Variants in C12orf42 observed in about 807,000 individuals in gnomAD.
C12orf42 encodes the protein chromosome 12 open reading frame 42.
Under a neutral mutation model 21.6 loss-of-function variants are expected in C12orf42, and 25 were observed. The ratio of observed to expected loss-of-function variants is 1.16; its 90% CI spans 0.84 to 1.62. C12orf42 has a LOEUF of 1.62. Ranked by LOEUF, C12orf42 falls within the 40% of genes most tolerant of loss-of-function variation. The pLI, the probability that C12orf42 is intolerant of heterozygous loss-of-function variation, is 0.00. For synonymous variants in C12orf42, 174 were observed against 175.0 expected, an observed-to-expected ratio of 0.99 and a Z score of 0.05; for missense variants, 483 against 459.3, an observed-to-expected ratio of 1.05 and a Z score of -0.47.
At chr12:103,338,445 T>G (rs1363466881) in intron 4 of C12orf42, among the ~76,000 whole-genome samples, 2 of 152,250 alleles carry the variant, frequency 1.3e-5, no homozygotes, top group East Asian at 3.8e-4. Context: ...TTGAAACTGA[T>G]GTCATCCTGG....
At chr12:103,530,960 C>T in the C12orf42 span, among the ~76,000 whole-genome samples, 3 of 152,096 alleles carry the variant, frequency 2.0e-5, no homozygotes, top group Admixed American at 6.5e-5. Flanking sequence ...AGGCAAGAAG[C>T]GATGCAAACA....
intron 2 of C12orf42, among the ~76,000 whole-genome samples, chr12:103,475,945 G>A (rs1237183451): frequency 6.6e-6 from 1 of 152,194 alleles, no homozygotes; most frequent in Non-Finnish European, 1.5e-5. Context: ...TAACATGAAA[G>A]ATGGGGCCTG....
chr12:103,447,459 AAG>A (rs201598804), intron 2 of C12orf42, among the ~76,000 whole-genome samples: 1,563 of 152,104 alleles, frequency 0.01, 42 homozygotes, highest in African/African-American at 0.036. Flanking sequence ...AGACAACAAA[AAG>A]AAATCGAGGG....
the C12orf42 span, among the ~76,000 whole-genome samples, chr12:103,051,380 T>G: frequency 4.6e-5 from 7 of 151,862 alleles, no homozygotes; most frequent in Admixed American, 2.0e-4. Flanking sequence ...CCAACATTTC[T>G]TTTTTTTGCT....
chr12:103,061,049 G>A, the C12orf42 span, among the ~76,000 whole-genome samples: 1 of 152,136 alleles, frequency 6.6e-6, no homozygotes. Context: ...AGCAGTCCAC[G>A]TTTCCTGCTC....
chr12:103,074,614 T>C, the C12orf42 span, among the ~76,000 whole-genome samples: 3 of 152,128 alleles, frequency 2.0e-5, no homozygotes, highest in Non-Finnish European at 2.9e-5. Flanking sequence ...AAGCATGAAA[T>C]AGTTTCTGAA....
intron 10 of C12orf42, among the ~76,000 whole-genome samples, chr12:103,239,395 C>T (rs1283316201): frequency 2.0e-5 from 3 of 152,164 alleles, no homozygotes; most frequent in Non-Finnish European, 4.4e-5. Context: ...TGTCTTCTCT[C>T]TGCACCACTC....
chr12:103,496,682 GGCTA>G (rs1279145201), upstream of C12orf42, among the ~76,000 whole-genome samples: 2 of 151,716 alleles, frequency 1.3e-5, no homozygotes, highest in Admixed American at 6.6e-5. Context: ...ATTTTTTCTG[GGCTA>G]GCTAATTACT....
the C12orf42 span, among the ~76,000 whole-genome samples, chr12:103,127,521 GTACA>G: frequency 1.3e-5 from 2 of 152,202 alleles, no homozygotes; most frequent in South Asian, 4.1e-4. Flanking sequence ...ATGTACACAT[GTACA>G]TACATACATA....
At chr12:103,069,427 G>A in the C12orf42 span, among the ~76,000 whole-genome samples, 1 of 152,018 alleles carries the variant, frequency 6.6e-6, no homozygotes, top group African/African-American at 2.4e-5. Context: ...TCATAGCTTA[G>A]CCTAGTCTAC....
At chr12:103,415,076 T>A (rs1593900823) in intron 2 of C12orf42, among the ~76,000 whole-genome samples, 1 of 151,804 alleles carries the variant, frequency 6.6e-6, no homozygotes, top group East Asian at 1.9e-4. Flanking sequence ...GAGAAAGATC[T>A]ACCATGAAAA....
chr12:103,519,040 T>G, the C12orf42 span, among the ~76,000 whole-genome samples: 1 of 152,170 alleles, frequency 6.6e-6, no homozygotes, highest in East Asian at 1.9e-4. Flanking sequence ...TGGGGGTGTT[T>G]TCCCTCATGC....
At chr12:103,298,760 A>G (rs1242671178), downstream of C12orf42, among the ~76,000 whole-genome samples, 2 of 152,172 alleles carry the variant, frequency 1.3e-5, no homozygotes, top group African/African-American at 2.4e-5. Flanking sequence ...ACAACATCCC[A>G]TGTCTTTCAC....
chr12:103,470,204 G>C (rs1038706891), intron 2 of C12orf42, among the ~76,000 whole-genome samples: 4 of 152,176 alleles, frequency 2.6e-5, no homozygotes, highest in Non-Finnish European at 5.9e-5. Flanking sequence ...TGATAAAGCT[G>C]TTTTCCTCAC....
chr12:103,470,565 G>C (rs1953516248), intron 2 of C12orf42, among the ~76,000 whole-genome samples: 1 of 152,076 alleles, frequency 6.6e-6, no homozygotes, highest in Admixed American at 6.6e-5. Context: ...TGAGAGAAAG[G>C]ATCTTTGTCC....
At chr12:103,333,816 G>A (rs575025847) in intron 4 of C12orf42, among the ~76,000 whole-genome samples, 3 of 152,282 alleles carry the variant, frequency 2.0e-5, no homozygotes, top group African/African-American at 7.2e-5. Flanking sequence ...ACTGTCATAA[G>A]TATCCAGGAC....
At chr12:103,081,633 A>G in the C12orf42 span, 205 of 152,304 alleles carry the variant, frequency 1.3e-3, 1 homozygote, top group African/African-American at 4.7e-3. Flanking sequence ...TTGTCTGGGT[A>G]TAGAATTTTA....
chr12:103,200,908 C>T, the C12orf42 span, among the ~76,000 whole-genome samples: 1 of 152,120 alleles, frequency 6.6e-6, no homozygotes, highest in African/African-American at 2.4e-5. Context: ...GAGAAATAAG[C>T]TTGTTTATTT....
At chr12:103,144,207 T>G in the C12orf42 span, among the ~76,000 whole-genome samples, 1 of 152,100 alleles carries the variant, frequency 6.6e-6, no homozygotes. Flanking sequence ...AGTAAGTTAC[T>G]TTGGCTTCAT....
Sources: gnomAD v4.1 joint callset for allele counts (sites outside exome capture counted in the v4.1 genomes callset) on GRCh38, gnomAD v4.1.1 for gene constraint, MANE v1.5 for transcripts, NCBI Gene and HGNC (gene_info 2026-07-23, HGNC 2026-07-21) for gene names.